Variants in PRKG1 observed in about 807,000 individuals in gnomAD.
The protein encoded by PRKG1 is cGMP-dependent protein kinase 1.
A neutral mutation model predicts 88.1 loss-of-function variants in PRKG1; 35 were observed. The observed-to-expected ratio is 0.40, with a 90% CI of 0.30 to 0.53. The LOEUF (loss-of-function observed/expected upper bound fraction) is 0.53, where lower values mean the gene tolerates loss of function less well. PRKG1 is among the 20% of genes least tolerant of loss of function. PRKG1 has a pLI of 0.59. For synonymous variants in PRKG1, 303 were observed against 292.5 expected, an observed-to-expected ratio of 1.04 and a Z score of -0.37; for missense variants, 540 against 839.8, an observed-to-expected ratio of 0.64 and a Z score of 4.41.
intron 3 of PRKG1, among the ~76,000 whole-genome samples, chr10:51,553,707 ATATAATATATGTATATATTAGATACG>A (rs1837199979): frequency 7.2e-6 from 1 of 139,202 alleles, no homozygotes; most frequent in Admixed American, 7.1e-5. Flanking sequence ...ATATACGTGT[ATATAATATATGTATATATTAGATACG>A]TGTATATAAT....
intron 3 of PRKG1, among the ~76,000 whole-genome samples, chr10:51,675,446 A>G: frequency 6.6e-6 from 1 of 152,208 alleles, no homozygotes; most frequent in East Asian, 1.9e-4. Context: ...GACATCATCC[A>G]TCAAGGGAAA....
At position 51,722,002 on chromosome 10, in the gene PRKG1, C is replaced by T. The variant is rs113592563; in HGVS notation, c.593-82583C>T. On this transcript the variant is annotated intron_variant, in intron 3 of 17. Coordinates refer to ENST00000373980, the MANE Select transcript of PRKG1 (RefSeq NM_006258.4). The stretch of plus-strand genomic sequence containing the variant: ...ATCCCAGCACTTTGGGAGGCTGAGG[C>T]AGGTGGCTCAAGAGGTCAGGAGTTC... 7.8e-4 allele frequency among the ~76,000 whole-genome samples: 118 copies of T among 152,250 alleles called. 6 individuals carry two copies. The highest frequency in any genetic ancestry group is 6.8e-3 in the Middle Eastern group (2 of 294).
chr10:51,933,935 A>T (rs921687523), intron 5 of PRKG1, among the ~76,000 whole-genome samples: 1 of 152,146 alleles, frequency 6.6e-6, no homozygotes, highest in African/African-American at 2.4e-5. Flanking sequence ...GTATCATCTT[A>T]AAAAATAGTT....
chr10:52,267,357 T>C (rs971730660), intron 10 of PRKG1, among the ~76,000 whole-genome samples: 27 of 152,052 alleles, frequency 1.8e-4, no homozygotes, highest in Non-Finnish European at 3.8e-4. Context: ...TATCTTTGCA[T>C]TCATGGAATT....
At chr10:51,291,791 G>A (rs1169965606) in intron 2 of PRKG1, among the ~76,000 whole-genome samples, 1 of 152,080 alleles carries the variant, frequency 6.6e-6, no homozygotes, top group Non-Finnish European at 1.5e-5. Context: ...ATGTTCAGAT[G>A]TGTTTAGATT....
In PRKG1 at chr10:51,697,903, CTGTATACCTCCTCCT is replaced by C. The variant is rs539295286; in HGVS notation, c.593-106659_593-106645del. ...GGCTTCCACCTTGCTTGCTTGCCCC[CTGTATACCTCCTCCT>C]TGTATACCTCCTCCTTGTATACTGA... On this transcript the variant is annotated intron_variant, in intron 3 of 17. Coordinates refer to ENST00000373980, the MANE Select transcript of PRKG1 (RefSeq NM_006258.4). The C allele has an allele frequency of 1.6e-3, 2,504 of 1,607,996 alleles. 18 individuals carry two copies. The East Asian group carries it at 0.02, about 13-fold the overall frequency.
At chr10:51,756,354 AT>A (rs1234483222) in intron 3 of PRKG1, among the ~76,000 whole-genome samples, 1 of 151,896 alleles carries the variant, frequency 6.6e-6, no homozygotes, top group Non-Finnish European at 1.5e-5. Context: ...AGGTGTGGTA[AT>A]GTATGCCTGT....
chr10:52,031,689 G>A (rs1341689094), intron 5 of PRKG1, among the ~76,000 whole-genome samples: 6 of 152,172 alleles, frequency 3.9e-5, no homozygotes, highest in African/African-American at 1.4e-4. Flanking sequence ...GCTGTAGATG[G>A]AGATGGAGGG....
At chr10:51,295,921 A>G (rs779686501) in intron 2 of PRKG1, among the ~76,000 whole-genome samples, 1 of 152,094 alleles carries the variant, frequency 6.6e-6, no homozygotes, top group Non-Finnish European at 1.5e-5. Flanking sequence ...TTCTGAATCT[A>G]TTGAGATGAT....
intron 3 of PRKG1, among the ~76,000 whole-genome samples, chr10:51,609,828 G>A (rs1040328957): frequency 2.0e-5 from 3 of 152,006 alleles, no homozygotes; most frequent in African/African-American, 4.8e-5. Flanking sequence ...CACACACTGG[G>A]GCCTGTCAGG....
At chr10:51,056,659 A>T (rs1156250971) in intron 1 of PRKG1, among the ~76,000 whole-genome samples, 1 of 152,114 alleles carries the variant, frequency 6.6e-6, no homozygotes, top group Non-Finnish European at 1.5e-5. Context: ...TGATCATGAC[A>T]CTTTGCTGAA....
intron 3 of PRKG1, among the ~76,000 whole-genome samples, chr10:51,629,792 G>T (rs558703305): frequency 6.6e-6 from 1 of 152,070 alleles, no homozygotes; most frequent in African/African-American, 2.4e-5. Flanking sequence ...CCAGTTCGCG[G>T]GTATTTTATG....
intron 2 of PRKG1, among the ~76,000 whole-genome samples, chr10:51,197,577 A>G (rs77032550): frequency 0.013 from 1,918 of 152,072 alleles, 32 homozygotes; most frequent in African/African-American, 0.042. Flanking sequence ...CCTGGCCAAC[A>G]TTGTGTTTAT....
At chr10:52,146,954 CAAGGCATT>C (rs1453058295) in intron 8 of PRKG1, among the ~76,000 whole-genome samples, 3 of 152,168 alleles carry the variant, frequency 2.0e-5, no homozygotes, top group African/African-American at 7.2e-5. Flanking sequence ...TGAATCAGCC[CAAGGCATT>C]AGTTACATCA....
At chr10:52,224,808 C>CATATATATAAATATATATATATAT (rs1840342443) in intron 9 of PRKG1, among the ~76,000 whole-genome samples, 1 of 106,370 alleles carries the variant, frequency 9.4e-6, no homozygotes, top group African/African-American at 3.7e-5. Flanking sequence ...AGTATTCCAT[C>CATATATATAAATATATATATATAT]ATATATATAT....
chr10:51,294,998 G>T (rs1009540398), intron 2 of PRKG1, among the ~76,000 whole-genome samples: 1 of 152,046 alleles, frequency 6.6e-6, no homozygotes, highest in African/African-American at 2.4e-5. Context: ...GGGGAGGATT[G>T]CTTGAGCCCA....
At chr10:51,344,528 A>G (rs1842071607) in intron 2 of PRKG1, among the ~76,000 whole-genome samples, 1 of 152,190 alleles carries the variant, frequency 6.6e-6, no homozygotes, top group African/African-American at 2.4e-5. Context: ...TCAACTCTCA[A>G]TTTCTCTGCT....
intron 3 of PRKG1, among the ~76,000 whole-genome samples, chr10:51,755,895 A>G (rs575705542): frequency 3.3e-5 from 5 of 152,312 alleles, no homozygotes; most frequent in Non-Finnish European, 7.3e-5. Context: ...CAATAATGAA[A>G]TTCTTATGAC....
chr10:52,185,011 A>T (rs1281250584), intron 9 of PRKG1: 1 of 152,212 alleles, frequency 6.6e-6, no homozygotes, highest in Non-Finnish European at 1.5e-5. Flanking sequence ...TCCAAACTGT[A>T]TTATTCTGCT....
Sources: allele counts gnomAD v4.1 joint callset (sites outside exome capture counted in the v4.1 genomes callset), GRCh38; gene constraint gnomAD v4.1.1; transcripts MANE v1.5; gene names NCBI Gene and HGNC (gene_info 2026-07-23, HGNC 2026-07-21).